RBFOX1: variants seen among roughly 807,000 people sequenced by gnomAD.
The protein encoded by RBFOX1 is RNA binding fox-1 homolog 1.
RBFOX1 carries 8 observed loss-of-function variants against 57.7 expected under a neutral mutation model. The observed-to-expected ratio is 0.14, with a 90% confidence interval of 0.08 to 0.25. RBFOX1 has a LOEUF of 0.25. Among genes scored for constraint, RBFOX1 ranks in the 10% least tolerant of loss-of-function variants. The pLI, the probability that RBFOX1 is intolerant of heterozygous loss-of-function variation, is 1.00. For missense variants in RBFOX1, 611 were observed against 548.5 expected, an observed-to-expected ratio of 1.11 and a Z score of -1.14; for synonymous variants, 326 against 222.4, an observed-to-expected ratio of 1.47 and a Z score of -4.15.
intron 3 of RBFOX1, among the ~76,000 whole-genome samples, chr16:5,681,382 C>G (rs1375143827): frequency 4.8e-5 from 7 of 146,646 alleles, no homozygotes; most frequent in Non-Finnish European, 1.0e-4. Flanking sequence ...CCGTGCCCAG[C>G]TTTTTTCTTT....
chr16:6,687,400 A>T (rs2059596950), intron 3 of RBFOX1, among the ~76,000 whole-genome samples: 1 of 152,234 alleles, frequency 6.6e-6, no homozygotes, highest in African/African-American at 2.4e-5. Flanking sequence ...TAATTCACCC[A>T]TGTAACCAAA....
intron 4 of RBFOX1, among the ~76,000 whole-genome samples, chr16:7,424,378 G>A (rs1412721626): frequency 6.6e-6 from 1 of 152,108 alleles, no homozygotes; most frequent in Non-Finnish European, 1.5e-5. Flanking sequence ...TCCTGCCTCA[G>A]CCTCCCGAGT....
chr16:7,543,667 CTGTGTG>C (rs71150310), intron 5 of RBFOX1, among the ~76,000 whole-genome samples: 4,804 of 141,408 alleles, frequency 0.034, 94 homozygotes, highest in South Asian at 0.075. Flanking sequence ...TGGGCAGTAT[CTGTGTG>C]TGTGTGTGTG....
intron 2 of RBFOX1, among the ~76,000 whole-genome samples, chr16:5,514,168 T>G (rs548749350): frequency 1.3e-5 from 2 of 152,228 alleles, no homozygotes; most frequent in East Asian, 3.9e-4. Flanking sequence ...ATCTTACAAG[T>G]TTATGAGTCA....
At chr16:6,852,352 G>C (rs2094117885) in intron 3 of RBFOX1, among the ~76,000 whole-genome samples, 1 of 152,088 alleles carries the variant, frequency 6.6e-6, no homozygotes, top group African/African-American at 2.4e-5. Flanking sequence ...GATAATCCAG[G>C]TTGATCACCC....
intron 1 of RBFOX1, among the ~76,000 whole-genome samples, chr16:6,128,834 G>A (rs1466542713): frequency 1.3e-5 from 2 of 152,150 alleles, no homozygotes; most frequent in African/African-American, 2.4e-5. Flanking sequence ...ACCCAGAGTT[G>A]GGAGACCTTA....
chr16:5,639,292 C>T (rs2048783932), intron 3 of RBFOX1, among the ~76,000 whole-genome samples: 1 of 152,186 alleles, frequency 6.6e-6, no homozygotes, highest in Non-Finnish European at 1.5e-5. Context: ...ACATAAAGGC[C>T]TGAATTTCAA....
chr16:5,404,778 A>G (rs568035863), intron 1 of RBFOX1, among the ~76,000 whole-genome samples: 3 of 152,346 alleles, frequency 2.0e-5, no homozygotes, highest in Non-Finnish European at 2.9e-5. Flanking sequence ...AAGATGAGGA[A>G]TCAGATAAGA....
chr16:7,705,826 T>C (rs904884633), intron 14 of RBFOX1, among the ~76,000 whole-genome samples: 7 of 152,166 alleles, frequency 4.6e-5, no homozygotes, highest in African/African-American at 1.4e-4. Context: ...GTAGTCATCA[T>C]GTGCATGGAG....
At chr16:5,639,954 C>G (rs2048807055) in intron 3 of RBFOX1, among the ~76,000 whole-genome samples, 1 of 152,224 alleles carries the variant, frequency 6.6e-6, no homozygotes, top group African/African-American at 2.4e-5. Context: ...TTACTTTTCT[C>G]TGCCCAGAGC....
At chr16:5,498,006 G>A (rs1019346783) in intron 2 of RBFOX1, among the ~76,000 whole-genome samples, 1 of 152,170 alleles carries the variant, frequency 6.6e-6, no homozygotes. Flanking sequence ...CTGGAAGATG[G>A]GGAAAGCTGT....
chr16:6,906,287 T>C (rs1265335658), intron 3 of RBFOX1, among the ~76,000 whole-genome samples: 1 of 151,716 alleles, frequency 6.6e-6, no homozygotes, highest in Non-Finnish European at 1.5e-5. Context: ...GGATTAAATA[T>C]TTATGTCTGT....
intron 5 of RBFOX1, among the ~76,000 whole-genome samples, chr16:7,554,248 G>A (rs1192114463): frequency 6.6e-6 from 1 of 152,190 alleles, no homozygotes; most frequent in Admixed American, 6.5e-5. Flanking sequence ...GCAAAGGAAT[G>A]CACAGAAATA....
intron 1 of RBFOX1, among the ~76,000 whole-genome samples, chr16:5,368,635 G>T (rs1158799738): frequency 6.6e-6 from 1 of 152,040 alleles, no homozygotes; most frequent in African/African-American, 2.4e-5. Flanking sequence ...GCACATTTCT[G>T]AGCTCTTTAA....
Position 5,721,353 on chromosome 16 carries a change from G to T in RBFOX1, c.318+122392G>T, listed in dbSNP as rs111479457. ...TTTTAATACTTGTGTGGGTGTGGAT[G>T]TGGGTATGTGGGTGCGGATTAGTTG... On this transcript the variant is annotated intron_variant, in intron 3 of 19. Coordinates refer to the RBFOX1 transcript ENST00000641259. 4.1e-3 allele frequency among the ~76,000 whole-genome samples: 618 copies of T among 152,300 alleles called. 4 individuals are homozygous for T. The highest frequency in any genetic ancestry group is 0.013 in the African/African-American group (524 of 41,562).
chr16:7,580,789 C>G (rs143247807), intron 6 of RBFOX1, among the ~76,000 whole-genome samples: 173 of 152,330 alleles, frequency 1.1e-3, no homozygotes, highest in African/African-American at 4.0e-3. Context: ...GGATATCATT[C>G]ATGTTTGCAG....
At chr16:6,379,510 AC>A (rs1567156959) in intron 2 of RBFOX1, among the ~76,000 whole-genome samples, 1 of 152,052 alleles carries the variant, frequency 6.6e-6, no homozygotes, top group East Asian at 1.9e-4. Context: ...GGGCATAAGA[AC>A]CCACTGAAAA....
intron 4 of RBFOX1, chr16:7,510,429 T>A: frequency 1.3e-6 from 1 of 792,472 alleles, no homozygotes. Flanking sequence ...GCTGCTTGAA[T>A]CATGCCCGGG....
At chr16:6,939,831 G>A (rs1022101133) in intron 3 of RBFOX1, among the ~76,000 whole-genome samples, 1 of 152,074 alleles carries the variant, frequency 6.6e-6, no homozygotes, top group East Asian at 1.9e-4. Flanking sequence ...CACTAAGAGG[G>A]TATCATATAG....
Sources: allele counts gnomAD v4.1 joint callset (sites outside exome capture counted in the v4.1 genomes callset), GRCh38; gene constraint gnomAD v4.1.1; transcripts MANE v1.5; gene names NCBI Gene and HGNC (gene_info 2026-07-23, HGNC 2026-07-21).